The following CHRM3 variants were observed in gnomAD, a reference collection of about 807,000 sequenced individuals.
CHRM3 encodes the protein cholinergic receptor muscarinic 3, also known as muscarinic acetylcholine receptor M3.
A neutral mutation model predicts 41.8 loss-of-function variants in CHRM3; 11 were observed. That is an observed-to-expected ratio of 0.26 (90% confidence interval 0.17 to 0.44). The LOEUF is 0.44. Ranked by LOEUF, CHRM3 falls within the 20% of genes least tolerant of loss-of-function variation. The pLI is 1.00. For missense variants in CHRM3, 571 were observed against 745.4 expected (o/e 0.77, Z 2.72); for synonymous variants, 297 against 301.4 (o/e 0.99, Z 0.15).
At chr1:239,890,476 C>T (rs1340292285) in intron 6 of CHRM3, among the ~76,000 whole-genome samples, 1 of 152,080 alleles carries the variant, frequency 6.6e-6, no homozygotes, top group East Asian at 1.9e-4. Flanking sequence ...TCCCTCTGAG[C>T]ATCAGTGTCC....
chr1:239,767,331 C>T (rs1667307819), intron 5 of CHRM3, among the ~76,000 whole-genome samples: 1 of 151,940 alleles, frequency 6.6e-6, no homozygotes, highest in South Asian at 2.1e-4. Context: ...TGAGAAATTC[C>T]AATTCTGAGT....
intron 6 of CHRM3, among the ~76,000 whole-genome samples, chr1:239,859,801 A>G (rs1038061570): frequency 7.1e-6 from 1 of 141,098 alleles, no homozygotes; most frequent in Non-Finnish European, 1.5e-5. Flanking sequence ...TCTAAATTAT[A>G]TATAAGTTCT....
chr1:239,830,940 AG>A (rs1672849117), intron 6 of CHRM3, among the ~76,000 whole-genome samples: 1 of 152,048 alleles, frequency 6.6e-6, no homozygotes, highest in Non-Finnish European at 1.5e-5. Context: ...GGAGGTGGAA[AG>A]TTCCCCTATT....
rs1004345388 is a variant in CHRM3 at position 239,467,789 on chromosome 1, T to A, written c.-520-24920T>A. Among the ~76,000 whole-genome samples the A allele has an allele frequency of 8.5e-4, 129 of 152,352 alleles. 1 individual carries two copies. The highest frequency in any genetic ancestry group is 3.1e-3 in the African/African-American group (127 of 41,578). On this transcript the variant is annotated intron_variant, in intron 1 of 6. Coordinates refer to ENST00000676153, the MANE Select transcript of CHRM3 (RefSeq NM_001375978.1). ...AATCTTGGGATAAAGTGAGTTATGA[T>A]GAATGTCATGCTTTTCTCTTGCTTA...
intron 3 of CHRM3, among the ~76,000 whole-genome samples, chr1:239,581,890 G>A (rs1190236344): frequency 6.6e-6 from 1 of 152,118 alleles, no homozygotes; most frequent in African/African-American, 2.4e-5. Flanking sequence ...ACTTTCAACT[G>A]TAATATGGAG....
chr1:239,877,062 G>T lies in CHRM3; in HGVS notation c.-19-30371G>T, dbSNP rs111949877. ...ACTTACAGAAAATAAGCAAATTTAG[G>T]TTAAAAATGCCCCATCTCTCTCTTT... On this transcript the variant is annotated intron_variant, in intron 6 of 6. Transcript: ENST00000676153. 3.0e-3 allele frequency among the ~76,000 whole-genome samples: 458 copies of T among 152,180 alleles called. 3 individuals carry two copies. Among genetic ancestry groups the T allele is most frequent in the African/African-American group, 0.011 (443 of 41,512 alleles).
chr1:239,792,725 G>C (rs915406246), intron 5 of CHRM3, among the ~76,000 whole-genome samples: 2 of 152,192 alleles, frequency 1.3e-5, no homozygotes, highest in Non-Finnish European at 2.9e-5. Context: ...AGAGTACCTG[G>C]TTCTTGCCAA....
chr1:239,473,312 A>G (rs1031167966), intron 1 of CHRM3, among the ~76,000 whole-genome samples: 1 of 151,808 alleles, frequency 6.6e-6, no homozygotes, highest in Non-Finnish European at 1.5e-5. Context: ...CAAGTCAGAG[A>G]CTGGGGAAAT....
At chr1:239,392,115 T>C (rs1025824321) in intron 1 of CHRM3, among the ~76,000 whole-genome samples, 4 of 152,224 alleles carry the variant, frequency 2.6e-5, no homozygotes, top group Admixed American at 2.0e-4. Context: ...AGCCTCGCCC[T>C]TGCCAAGAAC....
At chr1:239,765,916 A>G (rs1667166996) in intron 5 of CHRM3, among the ~76,000 whole-genome samples, 1 of 151,106 alleles carries the variant, frequency 6.6e-6, no homozygotes, top group African/African-American at 2.4e-5. Context: ...TTCTGGGTTC[A>G]AGCAATTCTC....
chr1:239,635,300 T>A (rs192583229), intron 4 of CHRM3, among the ~76,000 whole-genome samples: 121 of 152,344 alleles, frequency 7.9e-4, no homozygotes, highest in Admixed American at 3.9e-3. Flanking sequence ...TCAAAATCCT[T>A]CAACTCCCTC....
intron 1 of CHRM3, among the ~76,000 whole-genome samples, chr1:239,390,424 G>A (rs893474835): frequency 6.6e-6 from 1 of 152,120 alleles, no homozygotes; most frequent in Non-Finnish European, 1.5e-5. Flanking sequence ...GGCAAAATCA[G>A]TTAAATTAGA....
intron 6 of CHRM3, among the ~76,000 whole-genome samples, chr1:239,890,798 G>A (rs1337069921): frequency 6.6e-6 from 1 of 152,160 alleles, no homozygotes; most frequent in African/African-American, 2.4e-5. Context: ...ATTTGAATCT[G>A]GGAGTTGGCA....
intron 4 of CHRM3, among the ~76,000 whole-genome samples, chr1:239,651,234 A>G (rs1672214704): frequency 6.6e-6 from 1 of 152,236 alleles, no homozygotes; most frequent in Non-Finnish European, 1.5e-5. Flanking sequence ...GAAGCTAGAT[A>G]TAATTAGAGA....
intron 4 of CHRM3, among the ~76,000 whole-genome samples, chr1:239,649,913 A>C (rs996265671): frequency 2.0e-5 from 3 of 152,204 alleles, no homozygotes; most frequent in Admixed American, 6.5e-5. Flanking sequence ...GTTCCATCCA[A>C]TTAAAATAAG....
intron 1 of CHRM3, among the ~76,000 whole-genome samples, chr1:239,391,192 T>C (rs561981127): frequency 2.0e-5 from 3 of 152,314 alleles, no homozygotes; most frequent in Admixed American, 6.5e-5. Flanking sequence ...TTGAAAATAT[T>C]AAACCATAAT....
chr1:239,827,507 G>A (rs547208523), intron 6 of CHRM3, 129 bp downstream of exon 6: 1 of 152,284 alleles, frequency 6.6e-6, no homozygotes, highest in East Asian at 1.9e-4. Context: ...TTTTAACTCT[G>A]TGTGTCTTTG....
Position 239,825,211 on chromosome 1 carries a change from AT to A in CHRM3, c.-146-2040del, listed in dbSNP as rs754953015. Among the ~76,000 whole-genome samples the A allele has an allele frequency of 6.6e-5, 10 of 152,316 alleles. No homozygotes were observed. In the East Asian group the frequency reaches 1.4e-3, roughly 21 times the overall value. On this transcript the variant is annotated intron_variant, in intron 5 of 6. Transcript: ENST00000676153. ...AAAATCATGGTCATTCGTATTTTATATCAATTCACTAGCATTCTCCTCATCT... is the reference window on the plus strand; with the variant it reads ...AAAATCATGGTCATTCGTATTTTATACAATTCACTAGCATTCTCCTCATCT...
chr1:239,498,382 C>G (rs1206188956), intron 2 of CHRM3, among the ~76,000 whole-genome samples: 1 of 151,814 alleles, frequency 6.6e-6, no homozygotes, highest in African/African-American at 2.4e-5. Context: ...TTTAAAGTAA[C>G]CTAGTAATTG....
Sources: allele counts gnomAD v4.1 joint callset (sites outside exome capture counted in the v4.1 genomes callset), GRCh38; gene constraint gnomAD v4.1.1; transcripts MANE v1.5; gene names NCBI Gene and HGNC (gene_info 2026-07-23, HGNC 2026-07-21).